The following BTBD7 variants were observed in gnomAD, a reference collection of about 807,000 sequenced individuals.
The protein encoded by BTBD7 is BTB domain containing 7.
In BTBD7, 38 loss-of-function variants were observed where a neutral mutation model predicts 99.9. The observed-to-expected ratio is 0.38, with a 90% CI of 0.29 to 0.50. The LOEUF is 0.50. BTBD7 is among the 20% of genes least tolerant of loss of function. The pLI is 0.93. For missense variants in BTBD7, 1,170 were observed against 1,394.6 expected (o/e 0.84, Z 2.57); for synonymous variants, 520 against 511.4 (o/e 1.02, Z -0.23).
At chr14:93,288,838 C>A in intron 3 of BTBD7, 1 of 1,330,380 alleles carries the variant, frequency 7.5e-7, no homozygotes, top group Non-Finnish European at 1.0e-6. Context: ...TTCCAGGACT[C>A]CAGTTTCTTC....
chr14:93,255,618 C>G (rs952956878), intron 6 of BTBD7: 8 of 151,664 alleles, frequency 5.3e-5, no homozygotes, highest in Non-Finnish European at 1.0e-4. Context: ...GCCTCAGCCT[C>G]TCGAGCAGCT....
intron 1 of BTBD7, among the ~76,000 whole-genome samples, chr14:93,331,882 C>T (rs190139038): frequency 6.8e-6 from 1 of 146,190 alleles, no homozygotes; most frequent in Non-Finnish European, 1.5e-5. Context: ...CTCCGTCTCC[C>T]CCCCCCCAAA....
chr14:93,297,008 C>A (rs1038285783), intron 1 of BTBD7, among the ~76,000 whole-genome samples: 16 of 152,188 alleles, frequency 1.1e-4, no homozygotes, highest in African/African-American at 3.9e-4. Flanking sequence ...TTTACACCAT[C>A]TGGATATATA....
Position 93,290,511 on chromosome 14 carries a change from C to CT in BTBD7, c.1162+3346dup, listed in dbSNP as rs10548430. ...ACAGGCGTGACCCACTGCACTTGGC[C>CT]TTTTTTTTTTTTTTTTTTTTTTTTA... On this transcript the variant is annotated intron_variant, in intron 3 of 10. Coordinates refer to ENST00000334746, the MANE Select transcript of BTBD7 (RefSeq NM_001002860.4). Among the ~76,000 whole-genome samples the CT allele has an allele frequency of 1.6e-4, 12 of 76,530 alleles. No homozygotes were observed. In the East Asian group the frequency reaches 1.7e-3, roughly 11 times the overall value. The allele number at this position is 76,530 out of a possible 152,430, so 50.2% of individuals were successfully genotyped here.
chr14:93,269,476 G>A (rs1292091469), intron 3 of BTBD7, among the ~76,000 whole-genome samples: 1 of 152,162 alleles, frequency 6.6e-6, no homozygotes, highest in Non-Finnish European at 1.5e-5. Context: ...TGGTGACAAA[G>A]TGATCCTAAC....
rs1359009752 is a variant in BTBD7 at position 93,332,981 on chromosome 14, G to A, written c.-268C>T. Reference sequence around the variant, plus strand: ...CTCTCCTCTCCTGTCAGTGGCTCAGGCTCCGGGACTGCTCCAGGTTCCCCT... The same window carrying A: ...CTCTCCTCTCCTGTCAGTGGCTCAGACTCCGGGACTGCTCCAGGTTCCCCT... On this transcript the variant is annotated 5_prime_UTR_variant, in exon 1 of 11. Coordinates refer to ENST00000334746, the MANE Select transcript of BTBD7 (RefSeq NM_001002860.4). The A allele has an allele frequency of 5.1e-6, 3 of 591,294 alleles. No individual in the cohort carries two copies. Among genetic ancestry groups the A allele is most frequent in the Non-Finnish European group, 5.5e-6 (2 of 363,580 alleles). 36.6% of individuals were successfully genotyped at this position (591,294 alleles called of 1,614,324 possible).
rs2052181547 is a variant in BTBD7 at position 93,238,149 on chromosome 14, GAGGTTATT to G, written c.*4116_*4123del. 1 of 152,514 alleles carries G rather than the reference GAGGTTATT, an allele frequency of 6.6e-6. No homozygotes were observed. Among genetic ancestry groups the G allele is most frequent in the Admixed American group, 6.5e-5 (1 of 15,276 alleles). The allele number at this position is 152,514 out of a possible 1,614,324, so 9.4% of individuals were successfully genotyped here. ...AACTCACATAAACACACAAATACAA[GAGGTTATT>G]TTCAAGACACACACTTGCAAGTAAT... On this transcript the variant is annotated 3_prime_UTR_variant, in exon 11 of 11. Transcript: ENST00000334746.
chr14:93,247,776 C>A (rs1011177541), intron 9 of BTBD7, among the ~76,000 whole-genome samples: 2 of 152,216 alleles, frequency 1.3e-5, no homozygotes, highest in African/African-American at 2.4e-5. Context: ...GACTAGTTTA[C>A]AAATTCTATC....
At position 93,263,110 on chromosome 14, in the gene BTBD7, T is replaced by C. The variant is rs565224117; in HGVS notation, c.1371+675A>G. Among the ~76,000 whole-genome samples the C allele has an allele frequency of 8.0e-4, 122 of 152,366 alleles. 1 individual carries two copies. The highest frequency in any genetic ancestry group is 2.8e-3 in the African/African-American group (116 of 41,592). On this transcript the variant is annotated intron_variant, in intron 4 of 10. Coordinates refer to ENST00000334746, the MANE Select transcript of BTBD7 (RefSeq NM_001002860.4). ...TGGTTCAATGGGTTTATGTCTTTAA[T>C]AGCATTAAAACGGTTGTACAGTTTT...
intron 1 of BTBD7, among the ~76,000 whole-genome samples, chr14:93,324,836 T>A (rs1362888610): frequency 6.6e-6 from 1 of 152,196 alleles, no homozygotes; most frequent in Non-Finnish European, 1.5e-5. Flanking sequence ...CTTCTCCAAG[T>A]CTGCTGCATG....
At chr14:93,305,654 T>C (rs1263113229) in intron 1 of BTBD7, among the ~76,000 whole-genome samples, 1 of 152,272 alleles carries the variant, frequency 6.6e-6, no homozygotes, top group Non-Finnish European at 1.5e-5. Context: ...AAATAGATAT[T>C]CTTGGCCCTG....
intron 1 of BTBD7, among the ~76,000 whole-genome samples, chr14:93,299,445 T>TCTGTAGAA (rs2052966722): frequency 6.6e-6 from 1 of 152,154 alleles, no homozygotes; most frequent in African/African-American, 2.4e-5. Flanking sequence ...CCAATCTTTG[T>TCTGTAGAA]ATGATGCAAC....
intron 10 of BTBD7, chr14:93,244,193 C>A: frequency 2.4e-6 from 1 of 423,650 alleles, no homozygotes; most frequent in Non-Finnish European, 4.6e-6. Context: ...GGTAAAACTA[C>A]AAAGACTGTG....
At position 93,294,772 on chromosome 14, in the gene BTBD7, G is replaced by A; in HGVS notation, c.248C>T (p.Ala83Val). Residue 83 changes from alanine (A) to valine (V), a missense_variant, in exon 3 of 11, where the codon GCC becomes GTC. Transcript: ENST00000334746. ...RRKSNRSADHAKQMRELLSGW... is the reference protein window; with the variant it reads ...RRKSNRSADHVKQMRELLSGW... ...AGAGAGGAGTTCTCGCATCTGCTTG[G>A]CATGATCGGCAGACCTATTAGATTT... 4 of 1,613,904 alleles carry A rather than the reference G, an allele frequency of 2.5e-6. No individual in the cohort carries two copies. Among genetic ancestry groups the A allele is most frequent in the Non-Finnish European group, 3.4e-6 (4 of 1,180,002 alleles).
intron 3 of BTBD7, chr14:93,288,328 C>T: frequency 3.3e-6 from 2 of 598,698 alleles, no homozygotes; most frequent in Non-Finnish European, 2.9e-6. Flanking sequence ...TTTGTCTCCA[C>T]TCATCTCTTT....
At chr14:93,299,259 A>C (rs865802384) in intron 1 of BTBD7, among the ~76,000 whole-genome samples, 1 of 152,202 alleles carries the variant, frequency 6.6e-6, no homozygotes, top group Non-Finnish European at 1.5e-5. Context: ...CTCAGGGATT[A>C]ATGTCATTAC....
chr14:93,312,470 A>G (rs2053148887), intron 1 of BTBD7, among the ~76,000 whole-genome samples: 1 of 152,230 alleles, frequency 6.6e-6, no homozygotes, highest in Non-Finnish European at 1.5e-5. Context: ...ATATGGTTAT[A>G]GTAAACATAC....
intron 1 of BTBD7, among the ~76,000 whole-genome samples, chr14:93,304,240 T>G (rs980621567): frequency 1.3e-5 from 2 of 152,262 alleles, no homozygotes; most frequent in South Asian, 4.1e-4. Flanking sequence ...AGGAAATGAT[T>G]GTTCTAATCA....
At chr14:93,262,580 G>A (rs1275383920) in intron 4 of BTBD7, among the ~76,000 whole-genome samples, 5 of 152,112 alleles carry the variant, frequency 3.3e-5, no homozygotes, top group African/African-American at 1.2e-4. Flanking sequence ...AAATGAAAGT[G>A]TAAGTATAGG....
Sources: gnomAD v4.1 joint callset for allele counts (sites outside exome capture counted in the v4.1 genomes callset) on GRCh38, gnomAD v4.1.1 for gene constraint, MANE v1.5 for transcripts, NCBI Gene and HGNC (gene_info 2026-07-23, HGNC 2026-07-21) for gene names.